The following NFIB variants were observed in gnomAD, a reference collection of about 807,000 sequenced individuals.
NFIB encodes the protein nuclear factor 1 B-type.
Under a neutral mutation model 61.5 loss-of-function variants are expected in NFIB, and 11 were observed. The ratio of observed to expected loss-of-function variants is 0.18; its 90% confidence interval spans 0.11 to 0.30. The LOEUF (loss-of-function observed/expected upper bound fraction) is 0.30, where lower values mean the gene tolerates loss of function less well. Ranked by LOEUF, NFIB falls within the 10% of genes least tolerant of loss-of-function variation. The pLI is 1.00. For missense variants in NFIB, 471 were observed against 608.9 expected, an observed-to-expected ratio of 0.77 and a Z score of 2.38; for synonymous variants, 260 against 216.5, an observed-to-expected ratio of 1.20 and a Z score of -1.76.
chr9:14,347,151 T>TAAAA (rs3081608), intron 1 of NFIB, among the ~76,000 whole-genome samples: 1 of 142,178 alleles, frequency 7.0e-6, no homozygotes, highest in Non-Finnish European at 1.5e-5. Flanking sequence ...GGTGGGATCT[T>TAAAA]AAAAAAAAAA....
intron 6 of NFIB, among the ~76,000 whole-genome samples, chr9:14,136,831 T>C (rs1476222393): frequency 6.6e-6 from 1 of 152,184 alleles, no homozygotes; most frequent in East Asian, 1.9e-4. Context: ...AGCAGCTCAA[T>C]GCAAATATGA....
intron 3 of NFIB, among the ~76,000 whole-genome samples, chr9:14,179,322 C>A (rs1440358795): frequency 1.3e-5 from 2 of 151,972 alleles, no homozygotes; most frequent in African/African-American, 4.8e-5. Context: ...ACCACTCCCA[C>A]CCCCAACCCC....
chr9:14,299,838 TTAGAACAATTAAA>T (rs1204642195), intron 2 of NFIB, among the ~76,000 whole-genome samples: 4 of 152,218 alleles, frequency 2.6e-5, no homozygotes, highest in Non-Finnish European at 4.4e-5. Flanking sequence ...CTTTCCCATT[TTAGAACAATTAAA>T]TTTTGAAGGT....
the NFIB span, among the ~76,000 whole-genome samples, chr9:14,444,588 T>G: frequency 6.6e-6 from 1 of 152,144 alleles, no homozygotes; most frequent in South Asian, 2.1e-4. Flanking sequence ...GATTAGATGT[T>G]GAAAGACTCA....
intron 1 of NFIB, among the ~76,000 whole-genome samples, chr9:14,349,992 T>G (rs531140202): frequency 3.3e-5 from 5 of 152,198 alleles, no homozygotes; most frequent in African/African-American, 1.2e-4. Flanking sequence ...TTGCCCATGA[T>G]CTCTCCCTGC....
chr9:14,423,190 G>A, the NFIB span, among the ~76,000 whole-genome samples: 4 of 152,298 alleles, frequency 2.6e-5, no homozygotes, highest in East Asian at 5.8e-4. Flanking sequence ...AAAAGTCTGA[G>A]AGTAGTAATC....
At chr9:14,179,479 T>C (rs1006202864) in intron 3 of NFIB, among the ~76,000 whole-genome samples, 4 of 152,186 alleles carry the variant, frequency 2.6e-5, no homozygotes, top group Non-Finnish European at 5.9e-5. Context: ...AACTAAAATA[T>C]ATGCGTATTT....
Position 14,179,748 on chromosome 9 carries a change from C to T in NFIB, c.595G>A (p.Asp199Asn). The change falls in exon 3 of 11, where the codon GAT (aspartate) becomes AAT (asparagine). Residue 199 changes from aspartate to asparagine, a missense_variant. Asp to Asn is a conservative substitution (Grantham distance 23). Transcript: ENST00000380953. ...TTACCTGGAGGATTCTTGGCAGGAT[C>T]ATTGTGGCTTGGACTTCCTGATTGT... The part of the protein sequence containing the change: ...SGQSGSPSHN[D>N]PAKNPPGYLE... 1 of 1,613,492 alleles carries T rather than the reference C, an allele frequency of 6.2e-7. No homozygotes were observed. Among genetic ancestry groups the T allele is most frequent in the South Asian group, 1.1e-5 (1 of 91,012 alleles).
At chr9:14,155,426 C>T (rs1464096507) in intron 4 of NFIB, among the ~76,000 whole-genome samples, 2 of 152,176 alleles carry the variant, frequency 1.3e-5, no homozygotes, top group Non-Finnish European at 2.9e-5. Context: ...TGTGCATCTC[C>T]AACCCCCACC....
chr9:14,168,846 C>T (rs950319195), intron 3 of NFIB, among the ~76,000 whole-genome samples: 8 of 152,176 alleles, frequency 5.3e-5, no homozygotes, highest in Admixed American at 1.3e-4. Flanking sequence ...CCTTTGTATT[C>T]ATTCCTCTGT....
At chr9:14,205,694 GAT>G (rs2049610458) in intron 2 of NFIB, among the ~76,000 whole-genome samples, 1 of 152,152 alleles carries the variant, frequency 6.6e-6, no homozygotes, top group Non-Finnish European at 1.5e-5. Context: ...TCTGCTGAAA[GAT>G]AATTCAGAGG....
At chr9:14,514,351 TCCA>T in the NFIB span, among the ~76,000 whole-genome samples, 2 of 79,640 alleles carry the variant, frequency 2.5e-5, no homozygotes, top group Non-Finnish European at 6.1e-5. Flanking sequence ...CACACACGCA[TCCA>T]CCACCTTTCT....
chr9:14,341,337 C>T (rs1008718828), intron 1 of NFIB, among the ~76,000 whole-genome samples: 1 of 152,162 alleles, frequency 6.6e-6, no homozygotes, highest in African/African-American at 2.4e-5. Context: ...AGAAGGGGTG[C>T]TTCCAGGAAG....
At chr9:14,291,582 A>G (rs2059104537) in intron 2 of NFIB, among the ~76,000 whole-genome samples, 1 of 152,148 alleles carries the variant, frequency 6.6e-6, no homozygotes, top group African/African-American at 2.4e-5. Context: ...TTAAACTAAT[A>G]AAAAAATTCT....
In NFIB at chr9:14,231,036, C is replaced by T. The variant is rs190074203; in HGVS notation, c.563-51256G>A. On this transcript the variant is annotated intron_variant, in intron 2 of 10. Transcript: ENST00000380953. ...AGGATCCCAAGCTGTAGTGGCAGAG[C>T]TGCCACTCTGTCACTAGAACAAACC... Among the ~76,000 whole-genome samples the T allele has an allele frequency of 1.9e-3, 280 of 149,198 alleles. 2 individuals carry two copies. The highest frequency in any genetic ancestry group is 6.6e-3 in the African/African-American group (268 of 40,416).
At chr9:14,434,381 A>G in the NFIB span, among the ~76,000 whole-genome samples, 1 of 152,226 alleles carries the variant, frequency 6.6e-6, no homozygotes, top group Non-Finnish European at 1.5e-5. Context: ...GCTGCATTGA[A>G]TAACATATGA....
the NFIB span, among the ~76,000 whole-genome samples, chr9:14,471,279 T>A: frequency 6.6e-6 from 1 of 152,152 alleles, no homozygotes; most frequent in Non-Finnish European, 1.5e-5. Flanking sequence ...GAAGTCTGGA[T>A]GAAAGGTGAA....
chr9:14,361,548 C>T (rs776630417), intron 1 of NFIB: 11 of 152,176 alleles, frequency 7.2e-5, no homozygotes, highest in Non-Finnish European at 1.5e-4. Flanking sequence ...ATGCAAGGCA[C>T]ATAAATGATT....
intron 2 of NFIB, among the ~76,000 whole-genome samples, chr9:14,238,469 T>C (rs2054022527): frequency 6.6e-6 from 1 of 152,188 alleles, no homozygotes; most frequent in African/African-American, 2.4e-5. Flanking sequence ...ATAAAAAGTA[T>C]ATGTGCACAA....
Sources: allele counts gnomAD v4.1 joint callset (sites outside exome capture counted in the v4.1 genomes callset), GRCh38; gene constraint gnomAD v4.1.1; transcripts MANE v1.5; gene names NCBI Gene and HGNC (gene_info 2026-07-23, HGNC 2026-07-21).